The following DLC1 variants were observed in gnomAD, a reference collection of about 807,000 sequenced individuals.
DLC1 encodes rho GTPase-activating protein 7.
Under a neutral mutation model 140.3 loss-of-function variants are expected in DLC1, and 54 were observed. That is an observed-to-expected ratio of 0.38 (90% CI 0.31 to 0.48). The LOEUF (loss-of-function observed/expected upper bound fraction) is 0.48, where lower values mean the gene tolerates loss of function less well. Among genes scored for constraint, DLC1 ranks in the 20% least tolerant of loss-of-function variants. The probability of loss-of-function intolerance (pLI) is 0.96; values close to 1 mark genes in which losing one functional copy is unlikely to be tolerated. For synonymous variants in DLC1, 986 were observed against 728.1 expected, an observed-to-expected ratio of 1.35 and a Z score of -5.70; for missense variants, 2,536 against 1,907.0, an observed-to-expected ratio of 1.33 and a Z score of -6.14.
At chr8:13,594,998 T>C (rs1429751822) in intron 1 of DLC1, among the ~76,000 whole-genome samples, 2 of 151,896 alleles carry the variant, frequency 1.3e-5, no homozygotes, top group Admixed American at 6.6e-5. Context: ...TATTTCTGTA[T>C]AGACTTCTTC....
chr8:13,276,533 G>A, intron 5 of DLC1: 1 of 1,290,754 alleles, frequency 7.7e-7, no homozygotes, highest in South Asian at 2.6e-5. Flanking sequence ...CTGCGGCCCC[G>A]GGAAGCGCCA....
intron 4 of DLC1, among the ~76,000 whole-genome samples, chr8:13,372,479 T>C (rs928640093): frequency 6.6e-6 from 1 of 152,196 alleles, no homozygotes; most frequent in Admixed American, 6.5e-5. Flanking sequence ...TGTGTTGACA[T>C]GGAAGAACAT....
intron 3 of DLC1, 92 bp from the exon 4 acceptor site, chr8:13,393,785 C>T (rs1836884080): frequency 6.2e-6 from 9 of 1,447,170 alleles, no homozygotes; most frequent in Non-Finnish European, 6.6e-6. Context: ...CTTCTTCTTT[C>T]TCCCAGTGCA....
chr8:13,555,646 C>T (rs1232919924), intron 1 of DLC1, among the ~76,000 whole-genome samples: 1 of 151,612 alleles, frequency 6.6e-6, no homozygotes, highest in Non-Finnish European at 1.5e-5. Context: ...TGCCCGCCAC[C>T]ATGCCTAGCT....
chr8:13,513,985 A>G (rs887361381), intron 1 of DLC1, among the ~76,000 whole-genome samples: 1 of 152,214 alleles, frequency 6.6e-6, no homozygotes, highest in African/African-American at 2.4e-5. Flanking sequence ...TCCAAAACTC[A>G]GATTAAATAC....
chr8:13,098,505 T>G lies in DLC1; in HGVS notation c.3061A>C (p.Asn1021His). 6.2e-7 allele frequency: 1 copy of G among 1,614,236 alleles called. No individual in the cohort carries two copies. The highest frequency in any genetic ancestry group is 1.1e-5 in the South Asian group (1 of 91,086). The change falls in exon 10 of 18, where the codon AAC becomes CAC. Residue 1021 changes from asparagine (N) to histidine (H), a missense_variant. By Grantham distance (68) the Asn-to-His change is moderately conservative. Transcript: ENST00000276297. ...PSLNSVSLQI[N>H]CQSVAQMNLL... ...TTCATCTGGGCCACAGACTGGCAGT[T>G]AATCTGTAGTGATACAGAGTTGAGG...
chr8:13,251,980 C>G (rs1007916005), intron 5 of DLC1, among the ~76,000 whole-genome samples: 1 of 152,102 alleles, frequency 6.6e-6, no homozygotes. Flanking sequence ...AAGCATTTTA[C>G]TAAGCTTTAG....
intron 5 of DLC1, among the ~76,000 whole-genome samples, chr8:13,303,198 T>C: frequency 6.6e-6 from 1 of 152,318 alleles, no homozygotes; most frequent in African/African-American, 2.4e-5. Context: ...ATTCCAATCA[T>C]TCTAATATTT....
intron 5 of DLC1, among the ~76,000 whole-genome samples, chr8:13,181,335 CT>C (rs59772687): frequency 0.031 from 4,183 of 135,928 alleles, 77 homozygotes; most frequent in Middle Eastern, 0.043. Flanking sequence ...TTCTTTCTTT[CT>C]TTTTTTTTTT....
intron 4 of DLC1, among the ~76,000 whole-genome samples, chr8:13,307,081 C>CAAAAAAAAAAAA (rs34372620): frequency 1.9e-4 from 13 of 70,148 alleles, no homozygotes; most frequent in African/African-American, 8.0e-4. Flanking sequence ...GAGACTCTGT[C>CAAAAAAAAAAAA]AAAAAAAAAA....
chr8:13,337,033 AG>A (rs1477272294), intron 4 of DLC1, among the ~76,000 whole-genome samples: 1 of 152,224 alleles, frequency 6.6e-6, no homozygotes, highest in Admixed American at 6.5e-5. Flanking sequence ...CAAAAGGAAA[AG>A]TATAACTTCC....
At position 13,100,114 on chromosome 8, in the gene DLC1, G is replaced by A. The variant is rs1158899266; in HGVS notation, c.2223C>T (p.Ser741=). 1 of 1,613,994 alleles carries A rather than the reference G, an allele frequency of 6.2e-7. No individual in the cohort carries two copies. Among genetic ancestry groups the A allele is most frequent in the South Asian group, 1.1e-5 (1 of 91,088 alleles). ...KRSVSNSTQT[S]SSSSQSETSS... Reference sequence around the variant, plus strand: ...TGGTCTCCGACTGGCTGCTGCTGCTGCTGGTCTGCGTGGAGTTGGAAACGC... The same window carrying A: ...TGGTCTCCGACTGGCTGCTGCTGCTACTGGTCTGCGTGGAGTTGGAAACGC... The change falls in exon 9 of 18, where the codon AGC becomes AGT. Residue 741 remains serine (S), a synonymous_variant. Coordinates refer to ENST00000276297, the MANE Select transcript of DLC1 (RefSeq NM_182643.3).
intron 5 of DLC1, among the ~76,000 whole-genome samples, chr8:13,223,063 T>C (rs994236311): frequency 2.6e-5 from 4 of 152,204 alleles, no homozygotes; most frequent in Non-Finnish European, 4.4e-5. Context: ...AGACCTTTTT[T>C]TGAAATTCTA....
intron 1 of DLC1, among the ~76,000 whole-genome samples, chr8:13,557,345 G>A (rs1315932797): frequency 6.6e-6 from 1 of 152,178 alleles, no homozygotes; most frequent in African/African-American, 2.4e-5. Context: ...CTTCATTGGG[G>A]TTACAGTCTG....
intron 5 of DLC1, among the ~76,000 whole-genome samples, chr8:13,154,871 G>T (rs970000445): frequency 2.6e-5 from 4 of 152,134 alleles, no homozygotes; most frequent in African/African-American, 9.7e-5. Flanking sequence ...TTAAAATTTT[G>T]ATAGGTAGAT....
intron 1 of DLC1, among the ~76,000 whole-genome samples, chr8:13,566,404 G>C (rs998831151): frequency 6.7e-6 from 1 of 148,644 alleles, no homozygotes; most frequent in African/African-American, 2.5e-5. Flanking sequence ...CAGAATGCTG[G>C]AGCACAGAAC....
intron 4 of DLC1, among the ~76,000 whole-genome samples, chr8:13,355,933 C>CA (rs1446378117): frequency 3.3e-5 from 5 of 150,284 alleles, no homozygotes; most frequent in South Asian, 4.2e-4. Flanking sequence ...AAAAAAAATT[C>CA]AAAAAAATTA....
intron 2 of DLC1, among the ~76,000 whole-genome samples, chr8:13,487,515 C>T (rs957534579): frequency 8.5e-5 from 13 of 152,182 alleles, no homozygotes; most frequent in African/African-American, 2.9e-4. Context: ...AACAGCATAG[C>T]TGTTGAACTC....
At chr8:13,324,922 G>A (rs1352621317) in intron 4 of DLC1, among the ~76,000 whole-genome samples, 2 of 152,082 alleles carry the variant, frequency 1.3e-5, no homozygotes, top group East Asian at 1.9e-4. Flanking sequence ...CAACACTTTG[G>A]TGATACTGTG....
Sources: allele counts gnomAD v4.1 joint callset (sites outside exome capture counted in the v4.1 genomes callset), GRCh38; gene constraint gnomAD v4.1.1; transcripts MANE v1.5; gene names NCBI Gene and HGNC (gene_info 2026-07-23, HGNC 2026-07-21).